Variants in NFKBIB observed in about 807,000 individuals in gnomAD.
NFKBIB encodes the protein NFKB inhibitor beta, also known as NF-kappa-B inhibitor beta.
NFKBIB carries 16 observed loss-of-function variants against 32.1 expected under a neutral mutation model. That is an observed-to-expected ratio of 0.50 (90% CI 0.34 to 0.76). NFKBIB has a LOEUF of 0.76. Ranked by LOEUF, NFKBIB falls within the 30% of genes least tolerant of loss-of-function variation. NFKBIB has a pLI of 0.01. For synonymous variants in NFKBIB, 222 were observed against 219.5 expected (o/e 1.01, Z -0.10); for missense variants, 437 against 514.9 (o/e 0.85, Z 1.46).
chr19:38,907,889 C>T (rs1351450134), intron 5 of NFKBIB: 7 of 1,373,546 alleles, frequency 5.1e-6, no homozygotes, highest in Admixed American at 6.4e-5. Context: ...AGAACTCAGG[C>T]AGGGGTGGAG....
At position 38,907,598 on chromosome 19, in the gene NFKBIB, GCGAGGA is replaced by G. The variant is rs750317845; in HGVS notation, c.913_918del (p.Asp305_Glu306del). 13 of 1,611,848 alleles carry G rather than the reference GCGAGGA, an allele frequency of 8.1e-6. No individual in the cohort carries two copies. The East Asian group carries it at 2.9e-4, about 36-fold the overall frequency. ...GCACACGGAGCCCCTGAGCCCGAGG[GCGAGGA>G]CGAGAAATCCGGCCCCTGCAGCAGC... On this transcript the variant is annotated inframe_deletion, in exon 5 of 6. Coordinates refer to ENST00000313582, the MANE Select transcript of NFKBIB (RefSeq NM_002503.5).
At position 38,900,110 on chromosome 19, in the gene NFKBIB, G is replaced by A. The variant is rs1176224485; in HGVS notation, c.78G>A (p.Pro26=). 6.4e-7 allele frequency: 1 copy of A among 1,574,296 alleles called. No individual in the cohort carries two copies. The highest frequency in any genetic ancestry group is 8.6e-7 in the Non-Finnish European group (1 of 1,165,110). The change falls in exon 1 of 6, where the codon CCG becomes CCA. Residue 26 remains proline (P), a synonymous_variant. Transcript: ENST00000313582. ...WCDSGLGSLG[P]DAAAPGGPGL... ...ACAGCGGCCTGGGCTCCCTGGGTCC[G>A]GACGCAGCGGCCCCCGGAGGACCTG...
chr19:38,908,063 TGG>T, intron 5 of NFKBIB: 1 of 1,061,312 alleles, frequency 9.4e-7, no homozygotes. Context: ...GAGCCAGCGG[TGG>T]GGAGAGATAT....
At chr19:38,908,558 A>G in intron 5 of NFKBIB, 173 bp from the exon 6 acceptor site, 1 of 1,293,644 alleles carries the variant, frequency 7.7e-7, no homozygotes, top group South Asian at 2.4e-5. Context: ...AAAAAAAAAA[A>G]GAAAGAAAAG....
Position 38,907,276 on chromosome 19 carries a change from G to C in NFKBIB, c.675G>C (p.Leu225=). Reference sequence around the variant, plus strand: ...ACAAAGATGTGGAGATGGTCCGGCTGCTCCGAGATGCTGGAGCTGACCTTG... The same window carrying C: ...ACAAAGATGTGGAGATGGTCCGGCTCCTCCGAGATGCTGGAGCTGACCTTG... ...VIHKDVEMVR[L]LRDAGADLDK... The change falls in exon 4 of 6, where the codon CTG becomes CTC. Residue 225 remains leucine (L), a synonymous_variant. Coordinates refer to ENST00000313582, the MANE Select transcript of NFKBIB (RefSeq NM_002503.5). 6.2e-7 allele frequency: 1 copy of C among 1,613,654 alleles called. No individual in the cohort carries two copies. The highest frequency in any genetic ancestry group is 8.5e-7 in the Non-Finnish European group (1 of 1,179,754).
chr19:38,900,446 T>G (rs915447017), intron 1 of NFKBIB, among the ~76,000 whole-genome samples: 7 of 152,234 alleles, frequency 4.6e-5, no homozygotes, highest in Non-Finnish European at 8.8e-5. Flanking sequence ...TCTCAGCTCC[T>G]GGAATCCACA....
Position 38,905,238 on chromosome 19 carries a change from T to G in NFKBIB, c.322T>G (p.Ser108Ala), listed in dbSNP as rs373199604. 10 of 1,589,568 alleles carry G rather than the reference T, an allele frequency of 6.3e-6. No individual in the cohort carries two copies. In the African/African-American group the frequency reaches 1.1e-4, roughly 17 times the overall value. The change falls in exon 3 of 6, where the codon TCC (serine) becomes GCC (alanine). Residue 108 changes from serine to alanine, a missense_variant. Ser to Ala is a moderately conservative substitution (Grantham distance 99). Coordinates refer to ENST00000313582, the MANE Select transcript of NFKBIB (RefSeq NM_002503.5). This position sits in a 1 kb window ranked among gnomAD's most constrained non-coding sequence, Gnocchi z 5.5. ...LHLAAILGET[S>A]TVEKLYAAGA... ...CCTGGCAGCCATCCTGGGGGAGACATCCACGGTGGAGAAGCTGTACGCAGC... is the reference window on the plus strand; with the variant it reads ...CCTGGCAGCCATCCTGGGGGAGACAGCCACGGTGGAGAAGCTGTACGCAGC...
At chr19:38,907,150 C>G in intron 3 of NFKBIB, 71 bp from the exon 4 acceptor site, 1 of 1,421,022 alleles carries the variant, frequency 7.0e-7, no homozygotes, top group Non-Finnish European at 9.7e-7. Flanking sequence ...TGACCCTCCC[C>G]CAGGATCAAA....
chr19:38,905,297 C>T lies in NFKBIB; in HGVS notation c.381C>T (p.Gly127=). The stretch of plus-strand genomic sequence containing the variant: ...GGCTGTGTGTGGCGGAGCGTAGGGG[C>T]CACACGGCGCTGCACCTGGCCTGCC... ...GAGLCVAERR[G]HTALHLACRV... The change falls in exon 3 of 6, where the codon GGC becomes GGT. Residue 127 remains glycine, a synonymous_variant. Transcript: ENST00000313582. The surrounding 1 kb of genome is among the most constrained non-coding windows in gnomAD (Gnocchi z 5.5). 1 of 1,606,368 alleles carries T rather than the reference C, an allele frequency of 6.2e-7. No individual in the cohort carries two copies. Among genetic ancestry groups the T allele is most frequent in the Non-Finnish European group, 8.5e-7 (1 of 1,177,420 alleles).
At chr19:38,901,683 C>T (rs1973970841) in intron 1 of NFKBIB, among the ~76,000 whole-genome samples, 1 of 152,016 alleles carries the variant, frequency 6.6e-6, no homozygotes, top group Admixed American at 6.6e-5. Flanking sequence ...GTAGCAACAG[C>T]AGTTTCACCA....
Position 38,907,820 on chromosome 19 carries a change from A to G in NFKBIB, c.969+161A>G, listed in dbSNP as rs566945562. 12 of 1,428,630 alleles carry G rather than the reference A, an allele frequency of 8.4e-6. No individual in the cohort carries two copies. In the South Asian group the frequency reaches 1.4e-4, roughly 17 times the overall value. 88.5% of individuals were successfully genotyped at this position (1,428,630 alleles called of 1,614,324 possible). A position where few individuals can be genotyped will look rare whatever the true frequency, so the allele number is the denominator to read the frequency against. On this transcript the variant is annotated intron_variant, in intron 5 of 5. Transcript: ENST00000313582. ...GGCACTAGTCAGGAGAGACCTGGAC[A>G]GGGGTGGTGGGAAGAGCTTGGGCAG... is the stretch of plus-strand genomic sequence containing the variant.
intron 1 of NFKBIB, among the ~76,000 whole-genome samples, chr19:38,900,441 G>C (rs962726131): frequency 2.0e-5 from 3 of 152,048 alleles, no homozygotes; most frequent in African/African-American, 7.3e-5. Flanking sequence ...ATGATTCTCA[G>C]CTCCTGGAAT....
In NFKBIB at chr19:38,908,826, C is replaced by T. The variant is rs780215861; in HGVS notation, c.1065C>T (p.Pro355=). 14 of 1,610,534 alleles carry T rather than the reference C, an allele frequency of 8.7e-6. No individual in the cohort carries two copies. The highest frequency in any genetic ancestry group is 5.5e-5 in the South Asian group (5 of 90,472). The change falls in exon 6 of 6, where the codon CCC becomes CCT. Residue 355 remains proline, a synonymous_variant. Transcript: ENST00000313582. Reference sequence around the variant, plus strand: ...AACCTCTTCCTGACGACCCCCGCCCCGTGTGATTTGTTTCATTGTTAATAT... The same window carrying T: ...AACCTCTTCCTGACGACCCCCGCCCTGTGTGATTTGTTTCATTGTTAATAT... ...ASKPLPDDPR[P]V
chr19:38,902,317 G>A (rs543923386), intron 1 of NFKBIB, among the ~76,000 whole-genome samples: 3 of 151,838 alleles, frequency 2.0e-5, no homozygotes, highest in East Asian at 3.9e-4. Flanking sequence ...TGATCCGCCC[G>A]CCTCGGCTTC....
In NFKBIB at chr19:38,905,498, G is replaced by C; in HGVS notation, c.582G>C (p.Glu194Asp). The C allele has an allele frequency of 6.2e-7, 1 of 1,612,710 alleles. No individual in the cohort carries two copies. Among genetic ancestry groups the C allele is most frequent in the Non-Finnish European group, 8.5e-7 (1 of 1,179,304 alleles). Residue 194 changes from glutamate (E) to aspartate (D), a missense_variant, in exon 3 of 6, where the codon GAG becomes GAC. Physicochemically the swap from Glu to Asp is conservative, Grantham distance 45. Transcript: ENST00000313582. The surrounding 1 kb of genome is among the most constrained non-coding windows in gnomAD (Gnocchi z 5.5). ...AGAAGGAAGAAGAGGAGAGTGAGGAGGACTGGAAGCTGCAGCTGGAGGCTG... is the reference window on the plus strand; with the variant it reads ...AGAAGGAAGAAGAGGAGAGTGAGGACGACTGGAAGCTGCAGCTGGAGGCTG... ...DLEKEEEESE[E>D]DWKLQLEAEN...
At chr19:38,903,306 C>T (rs756921232) in intron 1 of NFKBIB, among the ~76,000 whole-genome samples, 13 of 151,954 alleles carry the variant, frequency 8.6e-5, no homozygotes, top group South Asian at 8.3e-4. Context: ...TTATTTGAGA[C>T]GGAGTCTCAC....
intron 3 of NFKBIB, 46 bp from the exon 4 acceptor site, chr19:38,907,175 G>T (rs754569859): frequency 1.3e-6 from 2 of 1,540,382 alleles, no homozygotes; most frequent in Non-Finnish European, 1.8e-6. Context: ...GGTGGGGTGG[G>T]GGGGGCCCTC....
intron 1 of NFKBIB, among the ~76,000 whole-genome samples, chr19:38,903,731 C>G (rs1458293017): frequency 2.0e-5 from 3 of 152,096 alleles, no homozygotes; most frequent in Non-Finnish European, 4.4e-5. Flanking sequence ...AGGTGCCAGA[C>G]ATTGTGAATT....
intron 3 of NFKBIB, among the ~76,000 whole-genome samples, chr19:38,906,851 C>T (rs1008803232): frequency 2.0e-5 from 3 of 152,184 alleles, no homozygotes; most frequent in Admixed American, 6.5e-5. Context: ...GATCCTCTTG[C>T]TTTGGCCTCC....
Sources: allele counts gnomAD v4.1 joint callset (sites outside exome capture counted in the v4.1 genomes callset), GRCh38; gene constraint gnomAD v4.1.1; non-coding constraint Gnocchi (gnomAD v3.1); transcripts MANE v1.5; gene names NCBI Gene and HGNC (gene_info 2026-07-23, HGNC 2026-07-21).